TRPC7: variants seen among roughly 807,000 people sequenced by gnomAD.
TRPC7 encodes short transient receptor potential channel 7.
TRPC7 carries 42 observed loss-of-function variants against 90.1 expected under a neutral mutation model. The observed-to-expected ratio is 0.47, with a 90% CI of 0.36 to 0.60. TRPC7 has a LOEUF of 0.60. TRPC7 is among the 20% of genes least tolerant of loss of function. The probability of loss-of-function intolerance (pLI) is 0.00; values close to 1 mark genes in which losing one functional copy is unlikely to be tolerated. For synonymous variants in TRPC7, 451 were observed against 436.3 expected (o/e 1.03, Z -0.42); for missense variants, 955 against 1,112.3 (o/e 0.86, Z 2.01).
chr5:136,223,456 A>G lies in TRPC7; in HGVS notation c.2343+1818T>C, dbSNP rs183107654. The stretch of plus-strand genomic sequence containing the variant: ...TGGTGAAACCCCATCTCTACTAAAA[A>G]TACAAAATTAGCCAGGCATGGTGGC... On this transcript the variant is annotated intron_variant, in intron 10 of 11. Coordinates refer to ENST00000513104, the MANE Select transcript of TRPC7 (RefSeq NM_020389.3). 2.1e-4 allele frequency among the ~76,000 whole-genome samples: 32 copies of G among 152,232 alleles called. No homozygotes were observed. The East Asian group carries it at 5.6e-3, about 27-fold the overall frequency.
At chr5:136,344,220 C>A (rs1343661343) in intron 2 of TRPC7, among the ~76,000 whole-genome samples, 2 of 152,134 alleles carry the variant, frequency 1.3e-5, no homozygotes, top group Non-Finnish European at 2.9e-5. Flanking sequence ...GAACTAAACA[C>A]TGAGCGCAAA....
intron 11 of TRPC7, 129 bp from the exon 12 acceptor site, chr5:136,213,733 G>A: frequency 1.0e-6 from 1 of 956,730 alleles, no homozygotes; most frequent in Non-Finnish European, 1.6e-6. Flanking sequence ...AGGGTTGAAG[G>A]TGAGGCAAGG....
intron 2 of TRPC7, among the ~76,000 whole-genome samples, chr5:136,341,464 T>C (rs1215446098): frequency 2.2e-5 from 2 of 89,866 alleles, no homozygotes; most frequent in Admixed American, 1.3e-4. Context: ...CACATACATA[T>C]ACATATATAT....
chr5:136,364,974 T>A (rs935757564), intron 1 of TRPC7, among the ~76,000 whole-genome samples: 3 of 152,150 alleles, frequency 2.0e-5, no homozygotes, highest in African/African-American at 7.2e-5. Context: ...TACACTCATC[T>A]AGGAATAAAA....
chr5:136,259,270 A>C (rs1756777914), intron 5 of TRPC7, among the ~76,000 whole-genome samples: 1 of 152,216 alleles, frequency 6.6e-6, no homozygotes, highest in African/African-American at 2.4e-5. Flanking sequence ...CAGGCAGCCC[A>C]GGAGCCTTGT....
chr5:136,246,529 T>C (rs1231327905), intron 7 of TRPC7, among the ~76,000 whole-genome samples: 1 of 152,206 alleles, frequency 6.6e-6, no homozygotes, highest in African/African-American at 2.4e-5. Context: ...AGGTCCATCA[T>C]GCCCATGCTG....
intron 2 of TRPC7, among the ~76,000 whole-genome samples, chr5:136,345,415 T>G (rs1759974121): frequency 6.6e-6 from 1 of 151,836 alleles, no homozygotes; most frequent in Non-Finnish European, 1.5e-5. Flanking sequence ...AATACAAAAA[T>G]ACGGGCGTGG....
intron 3 of TRPC7, among the ~76,000 whole-genome samples, chr5:136,293,611 C>T (rs1244240765): frequency 8.5e-5 from 13 of 152,220 alleles, no homozygotes; most frequent in Non-Finnish European, 4.4e-5. Context: ...TCAAGGAGAA[C>T]TACAAACCAC....
At chr5:136,317,860 T>A (rs959838882) in intron 2 of TRPC7, among the ~76,000 whole-genome samples, 1 of 152,190 alleles carries the variant, frequency 6.6e-6, no homozygotes, top group African/African-American at 2.4e-5. Flanking sequence ...CAGGCTGTAT[T>A]GCCCAGAGCT....
chr5:136,349,617 C>T (rs910748446), intron 2 of TRPC7, among the ~76,000 whole-genome samples: 1 of 152,160 alleles, frequency 6.6e-6, no homozygotes, highest in African/African-American at 2.4e-5. Flanking sequence ...ATTTACTGAA[C>T]TAATATTTAC....
At chr5:136,269,195 A>G (rs989571673) in intron 4 of TRPC7, among the ~76,000 whole-genome samples, 9 of 152,232 alleles carry the variant, frequency 5.9e-5, no homozygotes, top group African/African-American at 2.2e-4. Context: ...CAGTTCAGTC[A>G]TTACTAGGAC....
intron 7 of TRPC7, among the ~76,000 whole-genome samples, chr5:136,241,834 G>C (rs1756177908): frequency 6.6e-6 from 1 of 152,184 alleles, no homozygotes; most frequent in Non-Finnish European, 1.5e-5. Flanking sequence ...GGGATTATAG[G>C]TGTGAGCCAC....
chr5:136,258,545 A>G (rs1449375932), intron 5 of TRPC7, among the ~76,000 whole-genome samples: 1 of 152,158 alleles, frequency 6.6e-6, no homozygotes, highest in Admixed American at 6.5e-5. Flanking sequence ...CCTGGAGCCT[A>G]GAGAACAAGG....
intron 2 of TRPC7, among the ~76,000 whole-genome samples, chr5:136,331,845 A>G (rs1241288325): frequency 6.6e-6 from 1 of 152,124 alleles, no homozygotes; most frequent in Non-Finnish European, 1.5e-5. Flanking sequence ...AGTATTCCCC[A>G]GGTACCCACT....
At chr5:136,323,529 G>C (rs1759261038) in intron 2 of TRPC7, among the ~76,000 whole-genome samples, 1 of 152,232 alleles carries the variant, frequency 6.6e-6, no homozygotes, top group African/African-American at 2.4e-5. Context: ...GTGAGGTGTA[G>C]GTTGAGGTAT....
intron 1 of TRPC7, among the ~76,000 whole-genome samples, chr5:136,358,137 A>G (rs1760449683): frequency 6.6e-6 from 1 of 152,216 alleles, no homozygotes; most frequent in Admixed American, 6.5e-5. Context: ...AAGATGTGGC[A>G]GGGAGCAGGA....
chr5:136,225,696 A>G (rs1755604092), intron 9 of TRPC7, among the ~76,000 whole-genome samples: 1 of 152,160 alleles, frequency 6.6e-6, no homozygotes, highest in East Asian at 1.9e-4. Context: ...TTTCTCAGAG[A>G]TCATTTTCCA....
intron 6 of TRPC7, among the ~76,000 whole-genome samples, chr5:136,250,042 C>T (rs769412559): frequency 5.3e-5 from 8 of 152,216 alleles, no homozygotes; most frequent in Non-Finnish European, 1.2e-4. Flanking sequence ...AGCCTGAATC[C>T]TGGCATTAAG....
chr5:136,285,070 T>C (rs1757666132), intron 3 of TRPC7, among the ~76,000 whole-genome samples: 1 of 152,216 alleles, frequency 6.6e-6, no homozygotes, highest in South Asian at 2.1e-4. Context: ...TTATTGCTGT[T>C]ACTACTGAAG....
Sources: allele counts gnomAD v4.1 joint callset (sites outside exome capture counted in the v4.1 genomes callset), GRCh38; gene constraint gnomAD v4.1.1; transcripts MANE v1.5; gene names NCBI Gene and HGNC (gene_info 2026-07-23, HGNC 2026-07-21).